Variants in SLC39A14 observed in about 807,000 individuals in gnomAD.
SLC39A14 encodes the protein metal cation symporter ZIP14.
SLC39A14 carries 19 observed loss-of-function variants against 45.5 expected under a neutral mutation model. That is an observed-to-expected ratio of 0.42 (90% CI 0.29 to 0.61). The LOEUF (loss-of-function observed/expected upper bound fraction) is 0.61. SLC39A14 is among the 20% of genes least tolerant of loss of function. SLC39A14 has a pLI of 0.22. For synonymous variants in SLC39A14, 264 were observed against 251.3 expected (o/e 1.05, Z -0.48); for missense variants, 447 against 616.5 (o/e 0.73, Z 2.91).
chr8:22,372,593 C>A (rs1182556141), intron 1 of SLC39A14, among the ~76,000 whole-genome samples: 1 of 152,140 alleles, frequency 6.6e-6, no homozygotes, highest in African/African-American at 2.4e-5. Context: ...GAAGCGAAGA[C>A]AAGAGATATT....
Position 22,419,981 on chromosome 8 carries a change from T to A in SLC39A14, c.*283T>A. 1 of 1,128,786 alleles carries A rather than the reference T, an allele frequency of 8.9e-7. No homozygotes were observed. The highest frequency in any genetic ancestry group is 1.1e-6 in the Non-Finnish European group (1 of 921,040). 69.9% of individuals were successfully genotyped at this position (1,128,786 alleles called of 1,614,324 possible). On this transcript the variant is annotated 3_prime_UTR_variant, in exon 9 of 9. Transcript: ENST00000381237. ...TGCAGCTTACAAGACAAGCCTGACT[T>A]TTTTCTCTGATTACCTTGGCCTCCT... is the stretch of plus-strand genomic sequence containing the variant.
At chr8:22,388,240 G>C (rs1401613203) in intron 1 of SLC39A14, among the ~76,000 whole-genome samples, 1 of 152,180 alleles carries the variant, frequency 6.6e-6, no homozygotes, top group Admixed American at 6.5e-5. Context: ...ATCTGAGGTG[G>C]TGCTATGTCC....
intron 3 of SLC39A14, among the ~76,000 whole-genome samples, chr8:22,409,390 T>C (rs534423779): frequency 4.3e-4 from 66 of 152,132 alleles, no homozygotes; most frequent in African/African-American, 1.5e-3. Context: ...TTTTTTTGTT[T>C]GTTTGTTTTG....
In SLC39A14 at chr8:22,404,733, C is replaced by A. The variant is rs34328787; in HGVS notation, c.23C>A (p.Pro8Gln). The A allele has an allele frequency of 1.2e-5, 19 of 1,613,152 alleles. No homozygotes were observed. The Middle Eastern group carries it at 4.9e-4, about 42-fold the overall frequency. MKLLLLH[P>Q]AFQSCLLLTL... ...ACCATGAAGCTGCTGCTGCTGCACC[C>A]GGCCTTCCAGAGCTGCCTCCTGCTG... The change falls in exon 2 of 9, where the codon CCG becomes CAG. Residue 8 changes from proline (P) to glutamine (Q), a missense_variant. Physicochemically the swap from Pro to Gln is moderately conservative, Grantham distance 76. This residue lies in a region of SLC39A14 where 342 missense variants were observed against 428.1 expected (regional missense o/e 0.80). Transcript: ENST00000381237.
At chr8:22,411,407 A>G (rs1835558063) in intron 3 of SLC39A14, among the ~76,000 whole-genome samples, 1 of 152,220 alleles carries the variant, frequency 6.6e-6, no homozygotes, top group Admixed American at 6.5e-5. Flanking sequence ...AGAGGTTAAG[A>G]CACTGAATTT....
chr8:22,412,043 G>T lies in SLC39A14; in HGVS notation c.464G>T (p.Gly155Val). ...CCCTCCCTCCGCACGGCAGTGTGGG[G>T]ATACGGTCTCCTCTGTGTGACCGTC... ...EGRPSAVEVW[G>V]YGLLCVTVIS... Residue 155 changes from glycine to valine, a missense_variant, in exon 4 of 9, where the codon GGA becomes GTA. Around this residue, in one of 2 missense-constraint regions of SLC39A14, gnomAD observed 342 missense variants for 428.1 expected, o/e 0.80. Coordinates refer to ENST00000381237, the MANE Select transcript of SLC39A14 (RefSeq NM_001128431.4). The T allele has an allele frequency of 6.4e-7, 1 of 1,550,874 alleles. No individual in the cohort carries two copies.
chr8:22,424,933 GC>G (rs1481594115), downstream of SLC39A14, among the ~76,000 whole-genome samples: 9 of 150,088 alleles, frequency 6.0e-5, no homozygotes, highest in African/African-American at 2.0e-4. Flanking sequence ...AGAGGCTGAC[GC>G]AGGAGAATCA....
At chr8:22,374,314 C>A (rs1373182867) in intron 1 of SLC39A14, among the ~76,000 whole-genome samples, 1 of 152,004 alleles carries the variant, frequency 6.6e-6, no homozygotes, top group Non-Finnish European at 1.5e-5. Context: ...TCTCCATTCC[C>A]GAGATGCTTG....
In SLC39A14 at chr8:22,420,177, G is replaced by T; in HGVS notation, c.*479G>T. 1.0e-6 allele frequency: 1 copy of T among 986,126 alleles called. No homozygotes were observed. The highest frequency in any genetic ancestry group is 1.2e-6 in the Non-Finnish European group (1 of 830,462). The allele number at this position is 986,126 out of a possible 1,614,324, so 61.1% of individuals were successfully genotyped here. A position where few individuals can be genotyped will look rare whatever the true frequency, so the allele number is the denominator to read the frequency against. On this transcript the variant is annotated 3_prime_UTR_variant, in exon 9 of 9. Coordinates refer to ENST00000381237, the MANE Select transcript of SLC39A14 (RefSeq NM_001128431.4). ...GGCCAATAGAAGAGACAGGAGACAG[G>T]AAGCCTTCCCATTTTTTCAAAGTCT...
chr8:22,412,075 C>G lies in SLC39A14; in HGVS notation c.496C>G (p.Leu166Val). The stretch of plus-strand genomic sequence containing the variant: ...TCTCCTCTGTGTGACCGTCATCTCC[C>G]TCTGCTCCCTCCTGGGGGCCAGCGT... ...YGLLCVTVISLCSLLGASVVP... is the reference protein window; with the variant it reads ...YGLLCVTVISVCSLLGASVVP... Residue 166 changes from leucine to valine, a missense_variant, in exon 4 of 9, where the codon CTC becomes GTC. Coordinates refer to ENST00000381237, the MANE Select transcript of SLC39A14 (RefSeq NM_001128431.4). The G allele has an allele frequency of 6.4e-7, 1 of 1,551,682 alleles. No homozygotes were observed.
downstream of SLC39A14, among the ~76,000 whole-genome samples, chr8:22,424,399 C>T (rs1204281759): frequency 2.0e-5 from 3 of 152,166 alleles, no homozygotes; most frequent in African/African-American, 7.2e-5. Context: ...TGACTACCTC[C>T]ATTAGAGATT....
chr8:22,423,839 CTG>C (rs1836335206), downstream of SLC39A14, among the ~76,000 whole-genome samples: 1 of 114,912 alleles, frequency 8.7e-6, no homozygotes, highest in Admixed American at 9.8e-5. Flanking sequence ...AGATAGATAA[CTG>C]TTATCTACAG....
At chr8:22,400,605 A>G (rs1197988328) in intron 1 of SLC39A14, among the ~76,000 whole-genome samples, 1 of 152,262 alleles carries the variant, frequency 6.6e-6, no homozygotes, top group Non-Finnish European at 1.5e-5. Context: ...ATCTCAAAGT[A>G]GCACTTTTAC....
intron 8 of SLC39A14, among the ~76,000 whole-genome samples, chr8:22,418,642 C>T (rs927674636): frequency 6.6e-6 from 1 of 151,942 alleles, no homozygotes; most frequent in Admixed American, 6.6e-5. Context: ...AGTGATCCTC[C>T]TCCCTCAGTC....
chr8:22,412,058 G>C lies in SLC39A14; in HGVS notation c.479G>C (p.Cys160Ser), dbSNP rs1835601798. The C allele has an allele frequency of 1.3e-6, 2 of 1,551,298 alleles. No individual in the cohort carries two copies. Reference sequence around the variant, plus strand: ...GCAGTGTGGGGATACGGTCTCCTCTGTGTGACCGTCATCTCCCTCTGCTCC... The same window carrying C: ...GCAGTGTGGGGATACGGTCTCCTCTCTGTGACCGTCATCTCCCTCTGCTCC... ...AVEVWGYGLL[C>S]VTVISLCSLL... The change falls in exon 4 of 9, where the codon TGT becomes TCT. Residue 160 changes from cysteine (C) to serine (S), a missense_variant. Coordinates refer to ENST00000381237, the MANE Select transcript of SLC39A14 (RefSeq NM_001128431.4).
chr8:22,414,057 G>C (rs1244527028), intron 4 of SLC39A14, among the ~76,000 whole-genome samples: 1 of 152,038 alleles, frequency 6.6e-6, no homozygotes, highest in Non-Finnish European at 1.5e-5. Context: ...ATGAGCCACC[G>C]TGCCCGGCCA....
intron 8 of SLC39A14, among the ~76,000 whole-genome samples, chr8:22,430,883 G>A (rs749618785): frequency 1.3e-5 from 2 of 152,062 alleles, no homozygotes; most frequent in Non-Finnish European, 2.9e-5. Flanking sequence ...ATGTTGGCCA[G>A]GCTGGTCTTT....
chr8:22,408,327 C>G lies in SLC39A14; in HGVS notation c.288C>G (p.Asp96Glu), dbSNP rs753991288. Residue 96 changes from aspartate (D) to glutamate (E), a missense_variant, in exon 3 of 9, where the codon GAC becomes GAG. Asp to Glu is a conservative substitution (Grantham distance 45). Around this residue, in one of 2 missense-constraint regions of SLC39A14, gnomAD observed 342 missense variants for 428.1 expected, o/e 0.80. Coordinates refer to ENST00000381237, the MANE Select transcript of SLC39A14 (RefSeq NM_001128431.4). Reference sequence around the variant, plus strand: ...TGTTTCAGTGCTTTAGTTCTGGAGACCTCTTCACTGCCCACAATTTCAGCG... The same window carrying G: ...TGTTTCAGTGCTTTAGTTCTGGAGAGCTCTTCACTGCCCACAATTTCAGCG... ...RNLSTCFSSGDLFTAHNFSEQ... is the reference protein window; with the variant it reads ...RNLSTCFSSGELFTAHNFSEQ... 1 of 1,614,070 alleles carries G rather than the reference C, an allele frequency of 6.2e-7. No homozygotes were observed. The highest frequency in any genetic ancestry group is 1.1e-5 in the South Asian group (1 of 91,046).
At chr8:22,418,090 A>C (rs1259762152) in intron 8 of SLC39A14, among the ~76,000 whole-genome samples, 1 of 152,006 alleles carries the variant, frequency 6.6e-6, no homozygotes, top group East Asian at 1.9e-4. Flanking sequence ...TTTAGTAGAG[A>C]TGGGGTTTCC....
Sources: allele counts gnomAD v4.1 joint callset (sites outside exome capture counted in the v4.1 genomes callset), GRCh38; gene constraint gnomAD v4.1.1; regional missense constraint gnomAD v4.1.1; transcripts MANE v1.5; gene names NCBI Gene and HGNC (gene_info 2026-07-23, HGNC 2026-07-21).